The following GLRA2 variants were observed in gnomAD, a reference collection of about 807,000 sequenced individuals.
GLRA2 encodes the protein glycine receptor subunit alpha-2.
In GLRA2, 11 loss-of-function variants were observed where a neutral mutation model predicts 31.6. The ratio of observed to expected loss-of-function variants is 0.35; its 90% confidence interval spans 0.22 to 0.58. GLRA2 has a LOEUF of 0.58. Among genes scored for constraint, GLRA2 ranks in the 20% least tolerant of loss-of-function variants. The pLI is 0.84. For synonymous variants in GLRA2, 132 were observed against 134.0 expected (o/e 0.99, Z 0.10); for missense variants, 212 against 351.8 (o/e 0.60, Z 3.18).
the GLRA2 span, among the ~76,000 whole-genome samples, chrX:14,515,641 T>A: frequency 8.9e-6 from 1 of 112,312 alleles, no homozygotes; most frequent in Non-Finnish European, 1.9e-5. Context: ...AATATTATTT[T>A]AAATAGTTAG....
chrX:14,719,069 C>T (rs1569526758), intron 8 of GLRA2, among the ~76,000 whole-genome samples: 1 of 111,891 alleles, frequency 8.9e-6, no homozygotes, highest in Non-Finnish European at 1.9e-5. Flanking sequence ...ATCCCTCCCA[C>T]GTGCAAAATA....
chrX:14,517,572 T>C, the GLRA2 span, among the ~76,000 whole-genome samples: 1 of 111,481 alleles, frequency 9.0e-6, no homozygotes, highest in South Asian at 3.8e-4. Context: ...CTATCATGAG[T>C]GAGCATGGGG....
chrX:14,525,882 T>A (rs1037394384), upstream of GLRA2, among the ~76,000 whole-genome samples: 14 of 112,035 alleles, frequency 1.2e-4, no homozygotes, highest in African/African-American at 4.2e-4. Flanking sequence ...ATATTTAAAA[T>A]TATATACTAG....
chrX:14,541,003 AAAG>A (rs1048293821), intron 2 of GLRA2, among the ~76,000 whole-genome samples: 7 of 110,828 alleles, frequency 6.3e-5, no homozygotes, highest in African/African-American at 2.0e-4. Flanking sequence ...GGAGAAAAAA[AAAG>A]AGAGATCTTC....
chrX:14,476,057 G>A, the GLRA2 span, among the ~76,000 whole-genome samples: 4 of 111,309 alleles, frequency 3.6e-5, no homozygotes, highest in Non-Finnish European at 7.5e-5. Flanking sequence ...CCCGCCCCTA[G>A]AGTTTCTGAT....
chrX:14,723,022 A>AT (rs1196731118), intron 8 of GLRA2, among the ~76,000 whole-genome samples: 1 of 112,380 alleles, frequency 8.9e-6, no homozygotes, highest in Admixed American at 9.4e-5. Flanking sequence ...CACCTTCAGT[A>AT]TTTTTTGTCT....
upstream of GLRA2, among the ~76,000 whole-genome samples, chrX:14,529,090 G>A (rs2089218579): frequency 9.0e-6 from 1 of 111,070 alleles, no homozygotes; most frequent in Admixed American, 9.6e-5. Context: ...CCTTCTCTTC[G>A]GCACAGGACT....
the GLRA2 span, among the ~76,000 whole-genome samples, chrX:14,477,172 T>C: frequency 3.6e-5 from 4 of 111,775 alleles, no homozygotes; most frequent in Admixed American, 3.8e-4. Context: ...CCCACACTTG[T>C]GGCCAGAAGA....
the GLRA2 span, among the ~76,000 whole-genome samples, chrX:14,507,746 A>AGTG: frequency 2.7e-5 from 2 of 74,490 alleles, no homozygotes; most frequent in South Asian, 1.7e-3. Context: ...CCCAGGCTGG[A>AGTG]GTGCACTGGC....
chrX:14,549,736 A>C (rs779185803), intron 2 of GLRA2, among the ~76,000 whole-genome samples: 37 of 112,207 alleles, frequency 3.3e-4, no homozygotes, highest in African/African-American at 1.1e-3. Context: ...TCTGGAGCCA[A>C]GAACAGATAC....
chrX:14,593,024 C>T (rs1444869381), intron 4 of GLRA2, among the ~76,000 whole-genome samples: 1 of 111,696 alleles, frequency 9.0e-6, no homozygotes, highest in Non-Finnish European at 1.9e-5. Flanking sequence ...GGTGAGGGTG[C>T]TCAACTTACA....
intron 7 of GLRA2, among the ~76,000 whole-genome samples, chrX:14,648,957 T>A (rs2090860492): frequency 8.9e-6 from 1 of 112,028 alleles, no homozygotes; most frequent in Non-Finnish European, 1.9e-5. Flanking sequence ...GGCTCATGCC[T>A]GTAATCCCAG....
chrX:14,474,020 G>A, the GLRA2 span, among the ~76,000 whole-genome samples: 20 of 111,355 alleles, frequency 1.8e-4, no homozygotes, highest in African/African-American at 6.2e-4. Flanking sequence ...AAGCAATACA[G>A]TAGGATATTC....
the GLRA2 span, among the ~76,000 whole-genome samples, chrX:14,510,721 T>C: frequency 9.0e-6 from 1 of 111,585 alleles, no homozygotes; most frequent in Non-Finnish European, 1.9e-5. Flanking sequence ...AGATTGTTTT[T>C]GATATCCTCA....
intron 2 of GLRA2, among the ~76,000 whole-genome samples, chrX:14,557,628 T>C (rs2089668978): frequency 8.9e-6 from 1 of 111,920 alleles, no homozygotes; most frequent in South Asian, 3.7e-4. Flanking sequence ...AATTTTACCT[T>C]CTTTTTATAA....
At chrX:14,480,892 G>GT in the GLRA2 span, among the ~76,000 whole-genome samples, 1 of 111,083 alleles carries the variant, frequency 9.0e-6, no homozygotes, top group Non-Finnish European at 1.9e-5. Flanking sequence ...TTTTAGAGTC[G>GT]TTTTTTTCTA....
At chrX:14,616,412 T>C (rs1038659075) in intron 7 of GLRA2, among the ~76,000 whole-genome samples, 6 of 111,440 alleles carry the variant, frequency 5.4e-5, no homozygotes, top group Non-Finnish European at 1.1e-4. Context: ...CATTATTAAC[T>C]GGGATGGCCT....
chrX:14,470,183 T>C, the GLRA2 span, among the ~76,000 whole-genome samples: 1 of 112,054 alleles, frequency 8.9e-6, no homozygotes, highest in African/African-American at 3.2e-5. Context: ...CCCGTTTTCT[T>C]ACGAGAACTT....
At chrX:14,571,106 G>T (rs2089876167) in intron 2 of GLRA2, among the ~76,000 whole-genome samples, 1 of 111,314 alleles carries the variant, frequency 9.0e-6, no homozygotes, top group African/African-American at 3.3e-5. Context: ...AGGAACGAAG[G>T]ATAGGAATGA....
Sources: gnomAD v4.1 joint callset for allele counts (sites outside exome capture counted in the v4.1 genomes callset) on GRCh38, gnomAD v4.1.1 for gene constraint, MANE v1.5 for transcripts, NCBI Gene and HGNC (gene_info 2026-07-23, HGNC 2026-07-21) for gene names.